The following EPHB1 variants were observed in gnomAD, a reference collection of about 807,000 sequenced individuals.
The protein encoded by EPHB1 is ephrin type-B receptor 1.
EPHB1 carries 30 observed loss-of-function variants against 94.4 expected under a neutral mutation model. The observed-to-expected ratio is 0.32, with a 90% CI of 0.24 to 0.43. The LOEUF is 0.43. EPHB1 is among the 20% of genes least tolerant of loss of function. The pLI is 1.00. For missense variants in EPHB1, 1,055 were observed against 1,308.3 expected (o/e 0.81, Z 2.99); for synonymous variants, 522 against 489.1 (o/e 1.07, Z -0.89).
At chr3:134,927,080 C>G (rs1333018374) in intron 2 of EPHB1, among the ~76,000 whole-genome samples, 1 of 152,114 alleles carries the variant, frequency 6.6e-6, no homozygotes, top group African/African-American at 2.4e-5. Flanking sequence ...TGATGTCTGG[C>G]TAGGACAGGG....
At chr3:134,945,608 C>T (rs1218874908) in intron 2 of EPHB1, among the ~76,000 whole-genome samples, 3 of 152,198 alleles carry the variant, frequency 2.0e-5, no homozygotes, top group African/African-American at 4.8e-5. Context: ...TTGGGCAGTG[C>T]TCTTTTTCCC....
intron 3 of EPHB1, among the ~76,000 whole-genome samples, chr3:135,033,354 T>TTGC (rs1327148810): frequency 1.3e-5 from 2 of 152,142 alleles, no homozygotes; most frequent in Non-Finnish European, 2.9e-5. Flanking sequence ...GGTCCATGCT[T>TTGC]TGCCTTTACA....
intron 4 of EPHB1, among the ~76,000 whole-genome samples, chr3:135,109,010 G>A (rs1939336245): frequency 6.6e-6 from 1 of 152,192 alleles, no homozygotes; most frequent in African/African-American, 2.4e-5. Context: ...AGGGAACAAG[G>A]GGAAGGTGCA....
chr3:135,168,612 C>A (rs1941720804), intron 9 of EPHB1, among the ~76,000 whole-genome samples: 1 of 152,186 alleles, frequency 6.6e-6, no homozygotes, highest in South Asian at 2.1e-4. Flanking sequence ...AGTGATGGTG[C>A]ACTCACCAGG....
chr3:135,217,883 A>G (rs1943192213), intron 12 of EPHB1, among the ~76,000 whole-genome samples: 1 of 152,174 alleles, frequency 6.6e-6, no homozygotes, highest in Non-Finnish European at 1.5e-5. Flanking sequence ...TCTGCCTGAT[A>G]GATTTTGGCT....
intron 12 of EPHB1, 50 bp from the exon 13 acceptor site, chr3:135,241,098 T>G (rs1447348375): frequency 6.2e-7 from 1 of 1,612,072 alleles, no homozygotes; most frequent in Middle Eastern, 1.7e-4. Flanking sequence ...TTGCCTGCCT[T>G]CAATCAGAAA....
chr3:135,122,293 C>T (rs894518030), intron 4 of EPHB1, among the ~76,000 whole-genome samples: 5 of 152,088 alleles, frequency 3.3e-5, no homozygotes, highest in Admixed American at 3.3e-4. Flanking sequence ...AAGACTCAGC[C>T]CCAGTTTTTT....
intron 12 of EPHB1, among the ~76,000 whole-genome samples, chr3:135,215,985 T>TC (rs1418478970): frequency 6.6e-6 from 1 of 152,154 alleles, no homozygotes; most frequent in Admixed American, 6.5e-5. Context: ...TGACACCAAA[T>TC]CCCCATCCTG....
intron 3 of EPHB1, among the ~76,000 whole-genome samples, chr3:135,046,510 G>GT (rs1559808157): frequency 6.6e-6 from 1 of 152,170 alleles, no homozygotes; most frequent in East Asian, 1.9e-4. Flanking sequence ...ATAATATCAG[G>GT]TTTCAACAGA....
intron 12 of EPHB1, among the ~76,000 whole-genome samples, chr3:135,237,118 G>A (rs746813011): frequency 6.6e-5 from 10 of 152,086 alleles, no homozygotes; most frequent in Admixed American, 1.3e-4. Context: ...GCTGCAGACT[G>A]TCTGAAGCTG....
At chr3:134,905,456 A>G (rs955725150) in intron 1 of EPHB1, among the ~76,000 whole-genome samples, 1 of 152,232 alleles carries the variant, frequency 6.6e-6, no homozygotes, top group African/African-American at 2.4e-5. Flanking sequence ...CTGACTGCCC[A>G]GCATTGCCAA....
At chr3:135,133,310 C>A (rs550058756) in intron 5 of EPHB1, among the ~76,000 whole-genome samples, 4 of 152,338 alleles carry the variant, frequency 2.6e-5, no homozygotes, top group Non-Finnish European at 4.4e-5. Flanking sequence ...CAGAATAGGA[C>A]CTAGTGCTCT....
chr3:135,135,087 C>G (rs1032189009), intron 5 of EPHB1, among the ~76,000 whole-genome samples: 1 of 152,082 alleles, frequency 6.6e-6, no homozygotes, highest in Non-Finnish European at 1.5e-5. Context: ...GCTTTGTTCC[C>G]CCTCTGGCAG....
chr3:134,867,304 C>G (rs977726206), intron 1 of EPHB1, among the ~76,000 whole-genome samples: 3 of 152,226 alleles, frequency 2.0e-5, no homozygotes, highest in African/African-American at 7.2e-5. Context: ...TACTCTCCCT[C>G]TCATTTTCTG....
At chr3:134,917,345 GA>G (rs1157204614) in intron 1 of EPHB1, among the ~76,000 whole-genome samples, 1 of 152,204 alleles carries the variant, frequency 6.6e-6, no homozygotes, top group Non-Finnish European at 1.5e-5. Flanking sequence ...ACATTGAAAA[GA>G]CCTTCCCATG....
chr3:135,193,625 G>A (rs906042501), intron 11 of EPHB1, among the ~76,000 whole-genome samples: 1 of 152,208 alleles, frequency 6.6e-6, no homozygotes, highest in Non-Finnish European at 1.5e-5. Flanking sequence ...AATGGGCAGA[G>A]CCTTCTGAGC....
At chr3:134,985,510 A>G (rs980165439) in intron 3 of EPHB1, among the ~76,000 whole-genome samples, 6 of 152,142 alleles carry the variant, frequency 3.9e-5, no homozygotes, top group African/African-American at 1.2e-4. Flanking sequence ...TTCTCTTGGA[A>G]TCATTGTGAA....
chr3:134,817,146 C>A (rs549797909), intron 1 of EPHB1, among the ~76,000 whole-genome samples: 1 of 151,794 alleles, frequency 6.6e-6, no homozygotes, highest in East Asian at 1.9e-4. Flanking sequence ...TTTTTTAAAT[C>A]AAATTCTGTA....
chr3:135,085,838 G>A (rs540863112), intron 3 of EPHB1, among the ~76,000 whole-genome samples: 1 of 152,294 alleles, frequency 6.6e-6, no homozygotes, highest in Admixed American at 6.5e-5. Context: ...AGTGCTGTGG[G>A]TTTGAAATGA....
Sources: allele counts gnomAD v4.1 joint callset (sites outside exome capture counted in the v4.1 genomes callset), GRCh38; gene constraint gnomAD v4.1.1; transcripts MANE v1.5; gene names NCBI Gene and HGNC (gene_info 2026-07-23, HGNC 2026-07-21).